Variants in HERC2 observed in about 807,000 individuals in gnomAD.
HERC2 encodes the protein E3 ubiquitin-protein ligase HERC2.
HERC2 carries 102 observed loss-of-function variants against 537.7 expected under a neutral mutation model. That is an observed-to-expected ratio of 0.19 (90% CI 0.16 to 0.22). The LOEUF (loss-of-function observed/expected upper bound fraction) is 0.22, where lower values mean the gene tolerates loss of function less well. HERC2 is among the 10% of genes least tolerant of loss of function. The probability of loss-of-function intolerance (pLI) is 1.00; values close to 1 mark genes in which losing one functional copy is unlikely to be tolerated. For synonymous variants in HERC2, 2,224 were observed against 2,466.2 expected, an observed-to-expected ratio of 0.90 and a Z score of 2.91; for missense variants, 4,236 against 6,198.2, an observed-to-expected ratio of 0.68 and a Z score of 10.63.
At chr15:28,172,975 A>G (rs1475983193) in intron 65 of HERC2, among the ~76,000 whole-genome samples, 1 of 152,254 alleles carries the variant, frequency 6.6e-6, no homozygotes, top group Non-Finnish European at 1.5e-5. Flanking sequence ...CAAAAAAGGT[A>G]TCTGATTCGT....
chr15:28,250,765 T>G (rs1019996120), intron 20 of HERC2, among the ~76,000 whole-genome samples: 2 of 152,144 alleles, frequency 1.3e-5, no homozygotes, highest in Non-Finnish European at 2.9e-5. Flanking sequence ...TCAAGAATCC[T>G]TCACTCACAA....
At chr15:28,318,741 T>C (rs557521735) in intron 2 of HERC2, among the ~76,000 whole-genome samples, 136 of 152,230 alleles carry the variant, frequency 8.9e-4, no homozygotes, top group African/African-American at 3.2e-3. Context: ...AGGCCTGACG[T>C]ATCCAAATAA....
intron 11 of HERC2, 104 bp downstream of exon 11, chr15:28,269,144 C>A (rs2075650959): frequency 1.2e-6 from 1 of 804,362 alleles, no homozygotes; most frequent in Non-Finnish European, 1.9e-6. Context: ...CTTTGTCAAT[C>A]TTCAGAAATC....
At chr15:28,210,283 G>A (rs1010579977) in intron 44 of HERC2, among the ~76,000 whole-genome samples, 7 of 152,064 alleles carry the variant, frequency 4.6e-5, no homozygotes, top group South Asian at 4.1e-4. Flanking sequence ...ACAGGCGTCC[G>A]CCACCGTGCC....
intron 38 of HERC2, among the ~76,000 whole-genome samples, chr15:28,217,616 G>A (rs1285510033): frequency 6.6e-6 from 1 of 152,166 alleles, no homozygotes; most frequent in Non-Finnish European, 1.5e-5. Flanking sequence ...ATTAAACTGT[G>A]CCTGTCCCCC....
At position 28,113,916 on chromosome 15, in the gene HERC2, C is replaced by T. The variant is rs577239232; in HGVS notation, c.13914-238G>A. The stretch of plus-strand genomic sequence containing the variant: ...CCTAATGACCACCTACAGCTATGCA[C>T]ACCCCAAGACGCCACTCTCAGTACC... On this transcript the variant is annotated intron_variant, in intron 90 of 92. Coordinates refer to ENST00000261609, the MANE Select transcript of HERC2 (RefSeq NM_004667.6). This position sits in a 1 kb window ranked among gnomAD's most constrained non-coding sequence, Gnocchi z 7.0. Among the ~76,000 whole-genome samples the T allele has an allele frequency of 1.3e-5, 2 of 152,298 alleles. No individual in the cohort carries two copies. Among genetic ancestry groups the T allele is most frequent in the South Asian group, 4.2e-4 (2 of 4,816 alleles).
intron 12 of HERC2, among the ~76,000 whole-genome samples, chr15:28,267,696 C>A (rs915408276): frequency 6.6e-5 from 10 of 152,378 alleles, no homozygotes; most frequent in Middle Eastern, 3.4e-3. Context: ...ATCTTCCCAG[C>A]GGATGCTGTC....
At chr15:28,169,705 C>T (rs1894501390) in intron 65 of HERC2, 50 bp from the exon 66 acceptor site, 1 of 1,554,528 alleles carries the variant, frequency 6.4e-7, no homozygotes, top group Non-Finnish European at 8.8e-7. Context: ...ACAGTTTGAT[C>T]TATTTCTATA....
intron 3 of HERC2, among the ~76,000 whole-genome samples, chr15:28,294,225 A>G (rs1450421313): frequency 6.6e-6 from 1 of 152,188 alleles, no homozygotes; most frequent in African/African-American, 2.4e-5. Context: ...CCACAGGTTA[A>G]TAACAGGAGA....
intron 83 of HERC2, among the ~76,000 whole-genome samples, chr15:28,129,780 C>CT (rs36068402): frequency 0.2 from 28,256 of 143,416 alleles, 4,442 homozygotes; most frequent in East Asian, 0.71. Flanking sequence ...CCTCTGCCTC[C>CT]TTTTTTTTTT....
rs552119280 is a variant in HERC2, at chr15:28,201,859, G to A, written c.7617+254C>T. Among the ~76,000 whole-genome samples the A allele has an allele frequency of 3.3e-3, 498 of 152,196 alleles. 3 individuals are homozygous for A. Among genetic ancestry groups the A allele is most frequent in the African/African-American group, 0.012 (478 of 41,508 alleles). Reference sequence around the variant, plus strand: ...AATAAAATATCTTCTAATGGCTACCGAAGATCATGAGATGTTTGAACAAGG... The same window carrying A: ...AATAAAATATCTTCTAATGGCTACCAAAGATCATGAGATGTTTGAACAAGG... On this transcript the variant is annotated intron_variant, in intron 47 of 92. Transcript: ENST00000261609.
intron 86 of HERC2, chr15:28,117,995 C>A: frequency 4.6e-6 from 1 of 216,584 alleles, no homozygotes; most frequent in Non-Finnish European, 9.3e-6. Flanking sequence ...TCCAGTGAAG[C>A]TCTCTTCACC....
At chr15:28,248,965 G>A (rs1162292217) in intron 20 of HERC2, among the ~76,000 whole-genome samples, 1 of 152,232 alleles carries the variant, frequency 6.6e-6, no homozygotes, top group Admixed American at 6.5e-5. Flanking sequence ...ATGCCCTCGT[G>A]CTTCACTAAT....
In HERC2 at chr15:28,135,525, G is replaced by A; in HGVS notation, c.12183C>T (p.Tyr4061=). The change falls in exon 79 of 93, where the codon TAC becomes TAT. Residue 4061 remains tyrosine (Y), a synonymous_variant. Coordinates refer to ENST00000261609, the MANE Select transcript of HERC2 (RefSeq NM_004667.6). The stretch of plus-strand genomic sequence containing the variant: ...TCCCATCTTCTGCCTCACCCCAAGA[G>A]TAAACTTCTCCTTCTGAAGACAGGG... ...CLALSSEGEV[Y]SWGEAEDGKL... The A allele has an allele frequency of 6.2e-7, 1 of 1,614,178 alleles. No individual in the cohort carries two copies. Among genetic ancestry groups the A allele is most frequent in the Non-Finnish European group, 8.5e-7 (1 of 1,180,030 alleles).
intron 2 of HERC2, among the ~76,000 whole-genome samples, chr15:28,311,790 C>T (rs1438388507): frequency 1.3e-5 from 2 of 152,220 alleles, no homozygotes; most frequent in African/African-American, 2.4e-5. Context: ...ACTCTAAGAT[C>T]GCCCCAGACT....
chr15:28,137,792 A>G (rs1890800289), intron 78 of HERC2, among the ~76,000 whole-genome samples: 1 of 152,222 alleles, frequency 6.6e-6, no homozygotes, highest in African/African-American at 2.4e-5. Flanking sequence ...AGAGTTGCAT[A>G]TTTCTCACTT....
chr15:28,269,270 T>C lies in HERC2; in HGVS notation c.1424A>G (p.Gln475Arg). 3 of 1,613,794 alleles carry C rather than the reference T, an allele frequency of 1.9e-6. No individual in the cohort carries two copies. The highest frequency in any genetic ancestry group is 2.5e-6 in the Non-Finnish European group (3 of 1,179,828). The change falls in exon 11 of 93, where the codon CAG (glutamine) becomes CGG (arginine). Residue 475 changes from glutamine to arginine, a missense_variant. Around this residue, in one of 27 missense-constraint regions of HERC2, gnomAD observed 491 missense variants for 559.3 expected, o/e 0.88. Coordinates refer to ENST00000261609, the MANE Select transcript of HERC2 (RefSeq NM_004667.6). ...CACCAGCGTGTCACTATTATAGGCC[T>C]GTGTGTACACGCGGCCATTGCGTGA... ...ILSRNGRVYT[Q>R]AYNSDTLAPQ...
At chr15:28,299,779 A>T (rs1007090436) in intron 2 of HERC2, among the ~76,000 whole-genome samples, 1 of 152,164 alleles carries the variant, frequency 6.6e-6, no homozygotes, top group African/African-American at 2.4e-5. Flanking sequence ...TGGTCGGGCG[A>T]GGTGGCTCAT....
At position 28,113,328 on chromosome 15, in the gene HERC2, G is replaced by A. The variant is rs1236300657; in HGVS notation, c.14020-45C>T. The A allele has an allele frequency of 5.7e-6, 9 of 1,583,026 alleles. No individual in the cohort carries two copies. The highest frequency in any genetic ancestry group is 2.7e-5 in the African/African-American group (2 of 74,264). ...AGGGCCGCGTGATGCTTCCCACCCT[G>A]GCATTTCCGCAAGACTCCGTCACGC... On this transcript the variant is annotated intron_variant, in intron 91 of 92. Coordinates refer to ENST00000261609, the MANE Select transcript of HERC2 (RefSeq NM_004667.6). The surrounding 1 kb of genome is among the most constrained non-coding windows in gnomAD (Gnocchi z 7.0).
Sources: allele counts gnomAD v4.1 joint callset (sites outside exome capture counted in the v4.1 genomes callset), GRCh38; gene constraint gnomAD v4.1.1; regional missense constraint gnomAD v4.1.1; non-coding constraint Gnocchi (gnomAD v3.1); transcripts MANE v1.5; gene names NCBI Gene and HGNC (gene_info 2026-07-23, HGNC 2026-07-21).